Variants in MICU3 observed in about 807,000 individuals in gnomAD.
MICU3 encodes calcium uptake protein 3, mitochondrial.
MICU3 carries 62 observed loss-of-function variants against 66.5 expected under a neutral mutation model. The ratio of observed to expected loss-of-function variants is 0.93; its 90% CI spans 0.76 to 1.15. MICU3 has a LOEUF of 1.15. Ranked by LOEUF, MICU3 falls within the 50% of genes most tolerant of loss-of-function variation. The pLI is 0.00. For missense variants in MICU3, 779 were observed against 664.4 expected (o/e 1.17, Z -1.90); for synonymous variants, 308 against 240.7 (o/e 1.28, Z -2.59).
chr8:17,081,794 T>A, intron 5 of MICU3, 54 bp downstream of exon 5: 1 of 792,772 alleles, frequency 1.3e-6, no homozygotes, highest in South Asian at 1.5e-5. Flanking sequence ...TTTAAACGAA[T>A]CTTGGAAAGC....
At chr8:17,104,994 C>CAAAAAAA (rs746149322) in intron 10 of MICU3, among the ~76,000 whole-genome samples, 2 of 8,718 alleles carry the variant, frequency 2.3e-4, no homozygotes, top group Non-Finnish European at 3.1e-4. Context: ...GACTCCGTCT[C>CAAAAAAA]AAAAAAAAAA....
chr8:17,072,014 C>G (rs1819659334), intron 3 of MICU3, among the ~76,000 whole-genome samples: 1 of 151,816 alleles, frequency 6.6e-6, no homozygotes, highest in South Asian at 2.1e-4. Context: ...AAATCCCAAC[C>G]AAATTGATCC....
At chr8:17,046,483 T>C (rs182670923) in intron 1 of MICU3, among the ~76,000 whole-genome samples, 233 of 152,302 alleles carry the variant, frequency 1.5e-3, no homozygotes, top group African/African-American at 5.2e-3. Flanking sequence ...GAATCAGTCA[T>C]AAAAATCTTT....
At chr8:17,102,261 A>G (rs538477595) in intron 9 of MICU3, among the ~76,000 whole-genome samples, 3 of 151,940 alleles carry the variant, frequency 2.0e-5, no homozygotes, top group African/African-American at 7.2e-5. Context: ...TCGAGCATGG[A>G]GTAACCTCTG....
chr8:17,044,944 A>G (rs966627061), intron 1 of MICU3, among the ~76,000 whole-genome samples: 1 of 152,140 alleles, frequency 6.6e-6, no homozygotes, highest in African/African-American at 2.4e-5. Flanking sequence ...TTTTATCTGT[A>G]CTTCACTGGC....
At chr8:17,040,640 T>A (rs1441681629) in intron 1 of MICU3, among the ~76,000 whole-genome samples, 1 of 152,134 alleles carries the variant, frequency 6.6e-6, no homozygotes, top group Non-Finnish European at 1.5e-5. Context: ...CCCATAAACA[T>A]ATGAAAAAAA....
chr8:17,137,957 C>T, the MICU3 span, among the ~76,000 whole-genome samples: 3 of 151,936 alleles, frequency 2.0e-5, no homozygotes, highest in South Asian at 2.1e-4. Context: ...CTTTGTGATC[C>T]GCCTGCCTCA....
chr8:17,098,401 T>G lies in MICU3; in HGVS notation c.889-57T>G, dbSNP rs1396625317. 5 of 1,098,494 alleles carry G rather than the reference T, an allele frequency of 4.6e-6. No individual in the cohort carries two copies. The African/African-American group carries it at 6.2e-5, about 14-fold the overall frequency. The allele number at this position is 1,098,494 out of a possible 1,614,324, so 68.0% of individuals were successfully genotyped here. ...TTGGTTAGATTTAAAGTGTATAAATTATCATTCTTTGTAACTATTCTTTAG... is the reference window on the plus strand; with the variant it reads ...TTGGTTAGATTTAAAGTGTATAAATGATCATTCTTTGTAACTATTCTTTAG... On this transcript the variant is annotated intron_variant, in intron 8 of 14. Transcript: ENST00000318063.
chr8:17,096,425 C>G (rs1800694499), intron 8 of MICU3, among the ~76,000 whole-genome samples: 1 of 151,768 alleles, frequency 6.6e-6, no homozygotes, highest in African/African-American at 2.4e-5. Flanking sequence ...AGAATGTGCT[C>G]TTAACTTCAT....
rs944389746 is a variant in MICU3 at position 17,043,218 on chromosome 8, C to T, written c.381+15558C>T. ...CCTCCCAAATGGCTGGGATTACAGG[C>T]GTGAGCCACCGCGCCCGGCCTCAAA... On this transcript the variant is annotated intron_variant, in intron 1 of 14. Coordinates refer to ENST00000318063, the MANE Select transcript of MICU3 (RefSeq NM_181723.3). Among the ~76,000 whole-genome samples the T allele has an allele frequency of 4.6e-5, 7 of 152,208 alleles. No homozygotes were observed. The East Asian group carries it at 7.7e-4, about 17-fold the overall frequency.
rs75596283 is a variant in MICU3, at chr8:17,078,787, C to G, written c.646+926C>G. Among the ~76,000 whole-genome samples the G allele has an allele frequency of 2.5e-3, 375 of 151,938 alleles. 2 individuals are homozygous for G. Among genetic ancestry groups the G allele is most frequent in the African/African-American group, 8.7e-3 (359 of 41,490 alleles). ...CATAGAATCTGAAAGGAAGAGACAC[C>G]ATATCTTTTATTGTAGGTGTTTCAT... On this transcript the variant is annotated intron_variant, in intron 4 of 14. Coordinates refer to ENST00000318063, the MANE Select transcript of MICU3 (RefSeq NM_181723.3).
chr8:17,131,620 C>T, the MICU3 span: 9 of 152,426 alleles, frequency 5.9e-5, no homozygotes, highest in African/African-American at 1.4e-4. Flanking sequence ...TGGGAAATCC[C>T]GGATAATCTC....
intron 1 of MICU3, among the ~76,000 whole-genome samples, chr8:17,052,608 T>A (rs1221090125): frequency 6.6e-6 from 1 of 152,186 alleles, no homozygotes; most frequent in Non-Finnish European, 1.5e-5. Context: ...TTTTAAAAAC[T>A]TTGATCTCAG....
chr8:17,055,888 A>T (rs557323413), intron 1 of MICU3, among the ~76,000 whole-genome samples: 90 of 152,316 alleles, frequency 5.9e-4, no homozygotes, highest in Non-Finnish European at 9.7e-4. Context: ...GGTCTTGATC[A>T]TTGAGAAGGG....
intron 9 of MICU3, among the ~76,000 whole-genome samples, chr8:17,103,482 C>T (rs1387964532): frequency 1.3e-5 from 2 of 151,510 alleles, no homozygotes; most frequent in East Asian, 3.9e-4. Flanking sequence ...ACTCTTTTTT[C>T]ACATTTCCTA....
At chr8:17,079,877 A>T (rs1252311754) in intron 4 of MICU3, among the ~76,000 whole-genome samples, 2 of 152,184 alleles carry the variant, frequency 1.3e-5, no homozygotes, top group Admixed American at 1.3e-4. Context: ...TAATAAAAAA[A>T]TTGATATGCA....
intron 8 of MICU3, among the ~76,000 whole-genome samples, chr8:17,090,857 T>G (rs1313396186): frequency 6.6e-6 from 1 of 152,040 alleles, no homozygotes; most frequent in African/African-American, 2.4e-5. Context: ...TAATTGAAAT[T>G]TTATATCTTT....
chr8:17,050,489 A>G (rs1039200534), intron 1 of MICU3, among the ~76,000 whole-genome samples: 1 of 152,186 alleles, frequency 6.6e-6, no homozygotes, highest in East Asian at 1.9e-4. Context: ...GTCAGTTTAT[A>G]TAGTCCCTGT....
intron 11 of MICU3, among the ~76,000 whole-genome samples, chr8:17,108,221 G>A (rs1388536336): frequency 6.6e-6 from 1 of 152,118 alleles, no homozygotes; most frequent in Non-Finnish European, 1.5e-5. Context: ...TCATATTTTA[G>A]ATTCCTAATA....
Sources: allele counts gnomAD v4.1 joint callset (sites outside exome capture counted in the v4.1 genomes callset), GRCh38; gene constraint gnomAD v4.1.1; transcripts MANE v1.5; gene names NCBI Gene and HGNC (gene_info 2026-07-23, HGNC 2026-07-21).